PREX1: variants seen among roughly 807,000 people sequenced by gnomAD.
PREX1 encodes the protein phosphatidylinositol-3,4,5-trisphosphate dependent Rac exchange factor 1.
A neutral mutation model predicts 198.3 loss-of-function variants in PREX1; 41 were observed. That is an observed-to-expected ratio of 0.21 (90% CI 0.16 to 0.27). The LOEUF is 0.27. PREX1 is among the 10% of genes least tolerant of loss of function. The pLI is 1.00. For missense variants in PREX1, 1,620 were observed against 2,200.7 expected, an observed-to-expected ratio of 0.74 and a Z score of 5.28; for synonymous variants, 843 against 887.2, an observed-to-expected ratio of 0.95 and a Z score of 0.89.
At chr20:48,764,994 T>C (rs2090202186) in intron 1 of PREX1, among the ~76,000 whole-genome samples, 1 of 152,014 alleles carries the variant, frequency 6.6e-6, no homozygotes, top group Non-Finnish European at 1.5e-5. Context: ...GGCACCTTGA[T>C]TTCAGCCCCG....
chr20:48,688,635 A>T (rs367810811), intron 10 of PREX1, 22 bp downstream of exon 10: 6 of 1,613,686 alleles, frequency 3.7e-6, no homozygotes, highest in Non-Finnish European at 4.2e-6. Context: ...GGACCCAGGG[A>T]GTTCAGAGTG....
chr20:48,783,952 C>T (rs184771690), intron 1 of PREX1, among the ~76,000 whole-genome samples: 9 of 152,326 alleles, frequency 5.9e-5, no homozygotes, highest in East Asian at 1.9e-4. Flanking sequence ...ACAGTCACAA[C>T]ACAAGGTGAA....
intron 5 of PREX1, among the ~76,000 whole-genome samples, chr20:48,715,233 G>A (rs906366585): frequency 1.3e-5 from 2 of 152,130 alleles, no homozygotes; most frequent in East Asian, 1.9e-4. Context: ...TAAGAGGCCC[G>A]GTGAATCTGT....
intron 1 of PREX1, among the ~76,000 whole-genome samples, chr20:48,772,183 A>T (rs2090239291): frequency 6.6e-6 from 1 of 152,110 alleles, no homozygotes; most frequent in Non-Finnish European, 1.5e-5. Flanking sequence ...GAACAGAGCG[A>T]GACTCTGTCT....
intron 15 of PREX1, among the ~76,000 whole-genome samples, chr20:48,661,147 C>T (rs1367153031): frequency 1.3e-5 from 2 of 151,984 alleles, no homozygotes; most frequent in Admixed American, 6.6e-5. Context: ...CGGCCAGAGG[C>T]GGTGGCTCCG....
Position 48,676,255 on chromosome 20 carries a change from G to T in PREX1, c.1603C>A (p.His535Asn), listed in dbSNP as rs1469157449. 3.1e-6 allele frequency: 5 copies of T among 1,613,950 alleles called. No individual in the cohort carries two copies. The highest frequency in any genetic ancestry group is 4.2e-6 in the Non-Finnish European group (5 of 1,179,908). The change falls in exon 14 of 40, where the codon CAC becomes AAC. Residue 535 changes from histidine (H) to asparagine (N), a missense_variant. Coordinates refer to ENST00000371941, the MANE Select transcript of PREX1 (RefSeq NM_020820.4). ...YTPVIKDRDY[H>N]LKTYKSVLPG... ...AGCACTGACTTGTAGGTCTTCAGGT[G>T]GTAATCACGGTCTCTGTGGAGAAGG... is the stretch of plus-strand genomic sequence containing the variant.
intron 3 of PREX1, 46 bp downstream of exon 3, chr20:48,744,979 C>A (rs536280366): frequency 1.2e-6 from 2 of 1,603,336 alleles, no homozygotes; most frequent in Admixed American, 1.7e-5. Context: ...GAGAAGCCCA[C>A]TTTTCAAAAA....
chr20:48,652,762 G>C, intron 20 of PREX1, 56 bp from the exon 21 acceptor site: 2 of 1,569,832 alleles, frequency 1.3e-6, no homozygotes. Context: ...GGGAGGAGGG[G>C]ACAGGGCCGA....
intron 18 of PREX1, 134 bp from the exon 19 acceptor site, chr20:48,655,509 C>G: frequency 1.5e-6 from 1 of 688,968 alleles, no homozygotes; most frequent in Non-Finnish European, 2.3e-6. Flanking sequence ...GTAGTAGCAC[C>G]ACCAGGCTTT....
At chr20:48,646,675 C>CAAAAAAAAAAAAAAAAAA (rs552888256) in intron 25 of PREX1, among the ~76,000 whole-genome samples, 1 of 82,528 alleles carries the variant, frequency 1.2e-5, no homozygotes, top group African/African-American at 4.7e-5. Context: ...GAACCCATCT[C>CAAAAAAAAAAAAAAAAAA]AAAAAAAAAA....
Position 48,677,262 on chromosome 20 carries a change from G to A in PREX1, c.1590-994C>T, listed in dbSNP as rs144598394. ...CAGCAGCAGAGGAGCCCAGGAGGGC[G>A]GAGGCAGGATGGCAGATGAAAGTGG... On this transcript the variant is annotated intron_variant, in intron 13 of 39. Coordinates refer to ENST00000371941, the MANE Select transcript of PREX1 (RefSeq NM_020820.4). Among the ~76,000 whole-genome samples the A allele has an allele frequency of 2.3e-3, 346 of 152,308 alleles. 2 individuals carry two copies. The highest frequency in any genetic ancestry group is 8.0e-3 in the African/African-American group (334 of 41,556).
At chr20:48,675,944 G>A (rs1465229235) in intron 14 of PREX1, among the ~76,000 whole-genome samples, 1 of 151,964 alleles carries the variant, frequency 6.6e-6, no homozygotes, top group East Asian at 1.9e-4. Context: ...GGCTGAGGCA[G>A]GAGAATTGCT....
intron 1 of PREX1, among the ~76,000 whole-genome samples, chr20:48,795,407 C>T (rs115897039): frequency 0.018 from 2,806 of 151,980 alleles, 98 homozygotes; most frequent in African/African-American, 0.065. Flanking sequence ...GGCAATTTTG[C>T]TTGCCCCAAC....
intron 3 of PREX1, among the ~76,000 whole-genome samples, chr20:48,740,024 G>C (rs963573390): frequency 2.0e-5 from 3 of 152,178 alleles, no homozygotes; most frequent in Admixed American, 6.5e-5. Flanking sequence ...TTGGGGAAAG[G>C]GGGTGAGGGA....
the PREX1 span, among the ~76,000 whole-genome samples, chr20:48,848,300 T>C: frequency 0.18 from 26,595 of 151,374 alleles, 2,429 homozygotes; most frequent in Admixed American, 0.19. Context: ...TGTTATCCAG[T>C]CTGGAGTCCA....
chr20:48,797,879 G>A (rs1021609898), intron 1 of PREX1, among the ~76,000 whole-genome samples: 2 of 152,216 alleles, frequency 1.3e-5, no homozygotes, highest in African/African-American at 4.8e-5. Flanking sequence ...CAGAGCCAGT[G>A]CTCAGACCCT....
chr20:48,656,600 C>T (rs1259909865), intron 18 of PREX1: 3 of 454,134 alleles, frequency 6.6e-6, no homozygotes, highest in Middle Eastern at 3.3e-4. Context: ...CCCCTTGACT[C>T]CCCCCTCATC....
At position 48,659,953 on chromosome 20, in the gene PREX1, T is replaced by C. The variant is rs760575146; in HGVS notation, c.1847A>G (p.Lys616Arg). The change falls in exon 16 of 40, where the codon AAG becomes AGG. Residue 616 changes from lysine to arginine, a missense_variant. By Grantham distance (26) the Lys-to-Arg change is conservative. Coordinates refer to ENST00000371941, the MANE Select transcript of PREX1 (RefSeq NM_020820.4). ...CTTGGCCAGAATGTTCTCCACCAGC[T>C]TGAAGTCGTTGCGAAGCTGTTTGTT... is the stretch of plus-strand genomic sequence containing the variant. ...SKNKQLRNDF[K>R]LVENILAKRL... 2 of 1,614,214 alleles carry C rather than the reference T, an allele frequency of 1.2e-6. No homozygotes were observed. The highest frequency in any genetic ancestry group is 3.3e-5 in the Admixed American group (2 of 60,032).
chr20:48,643,607 C>T (rs1239860868), intron 27 of PREX1, among the ~76,000 whole-genome samples: 1 of 152,142 alleles, frequency 6.6e-6, no homozygotes, highest in African/African-American at 2.4e-5. Context: ...CAAATGCTGG[C>T]GAGGGTCATT....
Sources: gnomAD v4.1 joint callset for allele counts (sites outside exome capture counted in the v4.1 genomes callset) on GRCh38, gnomAD v4.1.1 for gene constraint, MANE v1.5 for transcripts, NCBI Gene and HGNC (gene_info 2026-07-23, HGNC 2026-07-21) for gene names.